The following ACO1 variants were observed in gnomAD, a reference collection of about 807,000 sequenced individuals.
ACO1 encodes aconitase 1.
In ACO1, 78 loss-of-function variants were observed where a neutral mutation model predicts 105.1. That is an observed-to-expected ratio of 0.74 (90% CI 0.62 to 0.90). The LOEUF (loss-of-function observed/expected upper bound fraction) is 0.90. ACO1 is among the 40% of genes least tolerant of loss of function. The probability of loss-of-function intolerance (pLI) is 0.00; values close to 1 mark genes in which losing one functional copy is unlikely to be tolerated. For synonymous variants in ACO1, 364 were observed against 397.4 expected, an observed-to-expected ratio of 0.92 and a Z score of 1.00; for missense variants, 965 against 1,111.1, an observed-to-expected ratio of 0.87 and a Z score of 1.87.
intron 7 of ACO1, among the ~76,000 whole-genome samples, chr9:32,419,517 CTG>C (rs1399634872): frequency 6.6e-6 from 1 of 152,186 alleles, no homozygotes; most frequent in Non-Finnish European, 1.5e-5. Context: ...TCAGAGCTCT[CTG>C]TGTTTTTAAA....
chr9:32,405,924 G>A (rs1821600034), intron 2 of ACO1, among the ~76,000 whole-genome samples: 1 of 152,198 alleles, frequency 6.6e-6, no homozygotes, highest in African/African-American at 2.4e-5. Flanking sequence ...AAGAGTCAAT[G>A]ACACATGCTC....
Position 32,420,992 on chromosome 9 carries a change from T to C in ACO1, c.935T>C (p.Val312Ala), listed in dbSNP as rs750595584. The C allele has an allele frequency of 3.1e-5, 50 of 1,614,134 alleles. No homozygotes were observed. Among genetic ancestry groups the C allele is most frequent in the Non-Finnish European group, 4.2e-5 (50 of 1,180,028 alleles). Residue 312 changes from valine (V) to alanine (A), a missense_variant, in exon 8 of 21, where the codon GTT (valine) becomes GCT (alanine). Coordinates refer to ENST00000309951, the MANE Select transcript of ACO1 (RefSeq NM_002197.3). ...GGAGCAACTGCTGCCTTTTTCCCAG[T>C]TGATGAAGTTAGTATCACGTACCTG... ...EYGATAAFFPVDEVSITYLVQ... is the reference protein window; with the variant it reads ...EYGATAAFFPADEVSITYLVQ...
At chr9:32,447,701 G>C (rs1054895333) in intron 19 of ACO1, among the ~76,000 whole-genome samples, 1 of 152,162 alleles carries the variant, frequency 6.6e-6, no homozygotes, top group Non-Finnish European at 1.5e-5. Flanking sequence ...CATCTTTGTG[G>C]ATTTATTTAC....
intron 18 of ACO1, among the ~76,000 whole-genome samples, chr9:32,438,993 T>C (rs1204324514): frequency 6.6e-6 from 1 of 152,252 alleles, no homozygotes; most frequent in Non-Finnish European, 1.5e-5. Flanking sequence ...CTATGTTCTC[T>C]TTAGAAGAGC....
chr9:32,438,934 A>G (rs1822420037), intron 18 of ACO1, among the ~76,000 whole-genome samples: 1 of 152,262 alleles, frequency 6.6e-6, no homozygotes, highest in Non-Finnish European at 1.5e-5. Context: ...TAGTTTAAAC[A>G]TAATACCTAG....
Position 32,434,726 on chromosome 9 carries a change from A to T in ACO1, c.2099+25A>T, listed in dbSNP as rs570432400. 17 of 1,611,994 alleles carry T rather than the reference A, an allele frequency of 1.1e-5. No individual in the cohort carries two copies. In the East Asian group the frequency reaches 2.5e-4, roughly 23 times the overall value. On this transcript the variant is annotated intron_variant, in intron 17 of 20. Transcript: ENST00000309951. The stretch of plus-strand genomic sequence containing the variant: ...GGTAAGTATGAATGAGGCAGGAAGG[A>T]CTAAAGGCAAAAATGGAGGAATGGA...
chr9:32,434,863 C>T (rs1028821744), intron 17 of ACO1, among the ~76,000 whole-genome samples, 162 bp downstream of exon 17: 1 of 152,210 alleles, frequency 6.6e-6, no homozygotes, highest in African/African-American at 2.4e-5. Context: ...CTGTTTGCTG[C>T]TTAACAGCTT....
At chr9:32,395,018 A>G (rs1448230039) in intron 1 of ACO1, among the ~76,000 whole-genome samples, 1 of 152,154 alleles carries the variant, frequency 6.6e-6, no homozygotes, top group African/African-American at 2.4e-5. Flanking sequence ...CCTAATTCCT[A>G]AAGTTTGAGT....
In ACO1 at chr9:32,420,925, ATT is replaced by A. The variant is rs1484017735; in HGVS notation, c.869_870del (p.Ile290SerfsTer2). 3.1e-6 allele frequency: 5 copies of A among 1,613,966 alleles called. No individual in the cohort carries two copies. The African/African-American group carries it at 6.7e-5, about 22-fold the overall frequency. ...CGGGCCTGGAGTAGCCCAGTTGTCC[ATT>A]GCTGACCGAGCTACGATTGCTAACA... ...FFGPGVAQLS[I>X]ADRATIANMC... On this transcript the variant is annotated frameshift_variant, in exon 8 of 21. Transcript: ENST00000309951. LOFTEE classifies it high-confidence loss of function.
chr9:32,399,409 A>G (rs1028928593), intron 1 of ACO1, among the ~76,000 whole-genome samples: 4 of 152,238 alleles, frequency 2.6e-5, no homozygotes, highest in African/African-American at 9.6e-5. Flanking sequence ...CAACTTGGCA[A>G]AAGGTAAATA....
intron 3 of ACO1, 134 bp downstream of exon 3, chr9:32,407,563 C>T (rs1821642893): frequency 1.2e-6 from 1 of 810,132 alleles, no homozygotes; most frequent in Non-Finnish European, 1.8e-6. Flanking sequence ...ATTATATACC[C>T]ATATCCAGAC....
chr9:32,434,939 C>T (rs1228760027), intron 17 of ACO1, among the ~76,000 whole-genome samples: 2 of 152,142 alleles, frequency 1.3e-5, no homozygotes, highest in Non-Finnish European at 2.9e-5. Flanking sequence ...TTCATTTGAG[C>T]AAGTGTATAT....
chr9:32,437,134 A>G (rs1822378868), intron 18 of ACO1, among the ~76,000 whole-genome samples: 1 of 152,160 alleles, frequency 6.6e-6, no homozygotes. Context: ...AATCGCTAAT[A>G]TGTCTATGGC....
intron 1 of ACO1, among the ~76,000 whole-genome samples, chr9:32,390,368 C>G (rs1415154718): frequency 6.6e-6 from 1 of 152,202 alleles, no homozygotes; most frequent in Non-Finnish European, 1.5e-5. Flanking sequence ...AATTCATCTT[C>G]CACTTCGTAG....
chr9:32,434,739 A>G, intron 17 of ACO1, 38 bp downstream of exon 17: 1 of 1,608,360 alleles, frequency 6.2e-7, no homozygotes, highest in Non-Finnish European at 8.5e-7. Flanking sequence ...AAAGGCAAAA[A>G]TGGAGGAATG....
chr9:32,435,292 T>G (rs1438307240), intron 17 of ACO1, among the ~76,000 whole-genome samples: 1 of 152,234 alleles, frequency 6.6e-6, no homozygotes, highest in Admixed American at 6.5e-5. Context: ...CTTTCAGTGA[T>G]TCCCCAGAGC....
At chr9:32,431,878 A>G in intron 15 of ACO1, 35 bp downstream of exon 15, 2 of 1,611,698 alleles carry the variant, frequency 1.2e-6, no homozygotes, top group Non-Finnish European at 1.7e-6. Flanking sequence ...GCCCCAGAGG[A>G]TCTAAGGGAA....
chr9:32,391,851 A>G (rs1200655867), intron 1 of ACO1, among the ~76,000 whole-genome samples: 2 of 152,234 alleles, frequency 1.3e-5, no homozygotes, highest in African/African-American at 4.8e-5. Flanking sequence ...TCTGCGATGT[A>G]CAAGAGCTAT....
intron 17 of ACO1, among the ~76,000 whole-genome samples, chr9:32,435,442 G>A (rs569839921): frequency 6.6e-6 from 1 of 152,294 alleles, no homozygotes; most frequent in East Asian, 1.9e-4. Context: ...ATTTTGGATA[G>A]TTTCAGGGAT....
Sources: gnomAD v4.1 joint callset for allele counts (sites outside exome capture counted in the v4.1 genomes callset) on GRCh38, gnomAD v4.1.1 for gene constraint, MANE v1.5 for transcripts, NCBI Gene and HGNC (gene_info 2026-07-23, HGNC 2026-07-21) for gene names.